SLC13A1: variants seen among roughly 807,000 people sequenced by gnomAD.
SLC13A1 encodes solute carrier family 13 member 1, also known as Na(+)/sulfate cotransporter.
A neutral mutation model predicts 70.0 loss-of-function variants in SLC13A1; 65 were observed. That is an observed-to-expected ratio of 0.93 (90% CI 0.76 to 1.14). The LOEUF (loss-of-function observed/expected upper bound fraction) is 1.14. SLC13A1 is among the 50% of genes most tolerant of loss of function. The pLI is 0.00. For missense variants in SLC13A1, 726 were observed against 717.8 expected (o/e 1.01, Z -0.13); for synonymous variants, 275 against 250.5 (o/e 1.10, Z -0.92).
rs137875114 is a variant in SLC13A1 at position 123,114,149 on chromosome 7, G to T, written c.*1369C>A. The T allele has an allele frequency of 6.7e-6, 1 of 148,966 alleles. No homozygotes were observed. The highest frequency in any genetic ancestry group is 1.5e-5 in the Non-Finnish European group (1 of 67,444). 9.2% of individuals were successfully genotyped at this position (148,966 alleles called of 1,614,324 possible). A position where few individuals can be genotyped will look rare whatever the true frequency, so the allele number is the denominator to read the frequency against. ...TGCTTTGTCTTTTGTTGTATTTTTAGCATGAGAATTGCTGTGATATAACAT... is the reference window on the plus strand; with the variant it reads ...TGCTTTGTCTTTTGTTGTATTTTTATCATGAGAATTGCTGTGATATAACAT... On this transcript the variant is annotated 3_prime_UTR_variant, in exon 15 of 15. Transcript: ENST00000194130.
Position 123,169,262 on chromosome 7 carries a change from C to T in SLC13A1, c.439G>A (p.Val147Met). 1.2e-6 allele frequency: 2 copies of T among 1,614,058 alleles called. No homozygotes were observed. Among genetic ancestry groups the T allele is most frequent in the Non-Finnish European group, 1.7e-6 (2 of 1,180,000 alleles). The change falls in exon 4 of 15, where the codon GTG (valine) becomes ATG (methionine). Residue 147 changes from valine (V) to methionine (M), a missense_variant. Coordinates refer to ENST00000194130, the MANE Select transcript of SLC13A1 (RefSeq NM_022444.4). ...ACTACAGCCTCCGCAATGGGCATCA[C>T]CATGGCAGCCGTCGAGGTGTTGCTG... ...WLSNTSTAAM[V>M]MPIAEAVVQQ...
intron 1 of SLC13A1, among the ~76,000 whole-genome samples, chr7:123,196,488 C>T (rs2116694496): frequency 6.6e-6 from 1 of 152,068 alleles, no homozygotes; most frequent in East Asian, 1.9e-4. Flanking sequence ...ATCTGTGTAG[C>T]CAGATTTTTG....
In SLC13A1 at chr7:123,119,084, T is replaced by A. The variant is rs757292615; in HGVS notation, c.1509A>T (p.Pro503=). 2 of 1,610,292 alleles carry A rather than the reference T, an allele frequency of 1.2e-6. No individual in the cohort carries two copies. Among genetic ancestry groups the A allele is most frequent in the Non-Finnish European group, 1.7e-6 (2 of 1,177,442 alleles). ...AGGGGATAAATGAGATACTCACCAA[T>A]GGAGATAATATTGGGAGAAAGAGTG... is the stretch of plus-strand genomic sequence containing the variant. The part of the protein sequence containing the change: ...TITLFLPILS[P]LAEAIHVNPL... Residue 503 remains proline (P), a synonymous_variant, in exon 13 of 15, where the codon CCA becomes CCT. Coordinates refer to ENST00000194130, the MANE Select transcript of SLC13A1 (RefSeq NM_022444.4).
chr7:123,131,846 T>C (rs1002836205), intron 8 of SLC13A1, among the ~76,000 whole-genome samples: 4 of 152,214 alleles, frequency 2.6e-5, no homozygotes, highest in African/African-American at 9.7e-5. Flanking sequence ...CTTCATGGGA[T>C]TTTTTTCCTC....
At chr7:123,151,698 A>G (rs1048945850) in intron 6 of SLC13A1, among the ~76,000 whole-genome samples, 9 of 152,138 alleles carry the variant, frequency 5.9e-5, no homozygotes, top group Admixed American at 2.0e-4. Context: ...TCGAGGTCCC[A>G]GAGCCTGAAA....
At chr7:123,122,694 T>C (rs182769805) in intron 12 of SLC13A1, among the ~76,000 whole-genome samples, 173 of 151,980 alleles carry the variant, frequency 1.1e-3, no homozygotes, top group African/African-American at 3.9e-3. Flanking sequence ...CTCATTCTCT[T>C]TTTTTTTAAA....
In SLC13A1 at chr7:123,171,794, C is replaced by T; in HGVS notation, c.339G>A (p.Val113=). The T allele has an allele frequency of 1.2e-6, 2 of 1,613,932 alleles. No individual in the cohort carries two copies. Residue 113 remains valine (V), a synonymous_variant, in exon 3 of 15, where the codon GTG becomes GTA. Transcript: ENST00000194130. ...ATGCAGGATTTACACCAACCATCATCACCATTTTCAGAGCAATTCTCTTGT... is the reference window on the plus strand; with the variant it reads ...ATGCAGGATTTACACCAACCATCATTACCATTTTCAGAGCAATTCTCTTGT... ...NLHKRIALKM[V]MMVGVNPAWL...
chr7:123,191,802 A>G (rs533090165), intron 1 of SLC13A1, among the ~76,000 whole-genome samples: 25 of 152,144 alleles, frequency 1.6e-4, no homozygotes, highest in Non-Finnish European at 2.9e-4. Flanking sequence ...CGTGTGGTAG[A>G]GTTGAGATTT....
Position 123,134,393 on chromosome 7 carries a change from AT to A in SLC13A1, c.932+16del. On this transcript the variant is annotated intron_variant, in intron 8 of 14. Coordinates refer to ENST00000194130, the MANE Select transcript of SLC13A1 (RefSeq NM_022444.4). Reference sequence around the variant, plus strand: ...AGACACCTTTATTTAGCCTATTAACATGAAATATTTACTTACTTGAATCCTA... The same window carrying A: ...AGACACCTTTATTTAGCCTATTAACAGAAATATTTACTTACTTGAATCCTA... The A allele has an allele frequency of 1.2e-6, 2 of 1,610,572 alleles. No individual in the cohort carries two copies. The highest frequency in any genetic ancestry group is 1.7e-6 in the Non-Finnish European group (2 of 1,178,206).
intron 7 of SLC13A1, among the ~76,000 whole-genome samples, chr7:123,136,652 G>A (rs1793958147): frequency 6.6e-6 from 1 of 152,154 alleles, no homozygotes; most frequent in Admixed American, 6.5e-5. Flanking sequence ...GGACATAGTG[G>A]TGAATGAGAT....
intron 13 of SLC13A1, among the ~76,000 whole-genome samples, chr7:123,117,831 G>A (rs1357627300): frequency 6.6e-6 from 1 of 151,792 alleles, no homozygotes; most frequent in African/African-American, 2.4e-5. Flanking sequence ...TTACAGTCCA[G>A]TTCATTTAGA....
rs751758234 is a variant in SLC13A1 at position 123,169,253 on chromosome 7, T to C, written c.448A>G (p.Ile150Val). The change falls in exon 4 of 15, where the codon ATT becomes GTT. Residue 150 changes from isoleucine (I) to valine (V), a missense_variant. By Grantham distance (29) the Ile-to-Val change is conservative (BLOSUM62 3). Transcript: ENST00000194130. The stretch of plus-strand genomic sequence containing the variant: ...ATCTGCTGCACTACAGCCTCCGCAA[T>C]GGGCATCACCATGGCAGCCGTCGAG... ...NTSTAAMVMP[I>V]AEAVVQQIIN... 1.2e-6 allele frequency: 2 copies of C among 1,614,078 alleles called. No individual in the cohort carries two copies. Among genetic ancestry groups the C allele is most frequent in the Non-Finnish European group, 1.7e-6 (2 of 1,180,008 alleles).
chr7:123,155,849 C>A (rs921164490), intron 6 of SLC13A1, among the ~76,000 whole-genome samples: 1 of 152,018 alleles, frequency 6.6e-6, no homozygotes, highest in Non-Finnish European at 1.5e-5. Context: ...GGTAGAAGGC[C>A]GGGTTCTCCA....
At chr7:123,161,565 T>C (rs1421794502) in intron 6 of SLC13A1, among the ~76,000 whole-genome samples, 3 of 152,104 alleles carry the variant, frequency 2.0e-5, no homozygotes, top group African/African-American at 7.2e-5. Flanking sequence ...CGATACAGAA[T>C]GGACAGAGGG....
chr7:123,175,186 G>GA (rs932487288), intron 2 of SLC13A1, among the ~76,000 whole-genome samples: 1 of 151,796 alleles, frequency 6.6e-6, no homozygotes, highest in African/African-American at 2.4e-5. Context: ...TATTAGATGA[G>GA]AAAAAACAAG....
At chr7:123,134,657 T>C (rs1301949455) in intron 7 of SLC13A1, 128 bp from the exon 8 acceptor site, 5 of 795,538 alleles carry the variant, frequency 6.3e-6, no homozygotes, top group Non-Finnish European at 7.8e-6. Context: ...TGGAATATAC[T>C]CATCATTAAA....
chr7:123,187,845 T>C (rs1246678267), intron 1 of SLC13A1, among the ~76,000 whole-genome samples: 1 of 152,240 alleles, frequency 6.6e-6, no homozygotes. Flanking sequence ...GTTTGGATTT[T>C]TTCCCCAATA....
Position 123,189,131 on chromosome 7 carries a change from A to AG in SLC13A1, c.100-8031_100-8030insC, listed in dbSNP as rs1387090546. ...CTCCGTCTCAAAAAAAAAAAAAAAAAAGAAAGAAAATCTTTCTACATTATA... is the reference window on the plus strand; with the variant it reads ...CTCCGTCTCAAAAAAAAAAAAAAAAAGAGAAAGAAAATCTTTCTACATTATA... On this transcript the variant is annotated intron_variant, in intron 1 of 14. Coordinates refer to ENST00000194130, the MANE Select transcript of SLC13A1 (RefSeq NM_022444.4). Among the ~76,000 whole-genome samples, 43 of 147,430 alleles carry AG rather than the reference A, an allele frequency of 2.9e-4. 2 individuals are homozygous for AG. Among genetic ancestry groups the AG allele is most frequent in the African/African-American group, 9.6e-4 (39 of 40,720 alleles).
intron 2 of SLC13A1, among the ~76,000 whole-genome samples, chr7:123,175,468 T>C (rs12668463): frequency 0.34 from 51,198 of 152,040 alleles, 9,304 homozygotes; most frequent in South Asian, 0.4. Flanking sequence ...CAAATTCATA[T>C]GTTGGCACCT....
Sources: gnomAD v4.1 joint callset for allele counts (sites outside exome capture counted in the v4.1 genomes callset) on GRCh38, gnomAD v4.1.1 for gene constraint, MANE v1.5 for transcripts, NCBI Gene and HGNC (gene_info 2026-07-23, HGNC 2026-07-21) for gene names.